Variants in MORN4 observed in about 807,000 individuals in gnomAD.
MORN4 encodes the protein MORN repeat-containing protein 4.
In MORN4, 8 loss-of-function variants were observed where a neutral mutation model predicts 16.4. The observed-to-expected ratio is 0.49, with a 90% confidence interval of 0.29 to 0.88. The LOEUF (loss-of-function observed/expected upper bound fraction) is 0.88. Among genes scored for constraint, MORN4 ranks in the 40% least tolerant of loss-of-function variants. MORN4 has a pLI of 0.09. For missense variants in MORN4, 159 were observed against 182.9 expected, an observed-to-expected ratio of 0.87 and a Z score of 0.75; for synonymous variants, 53 against 68.9, an observed-to-expected ratio of 0.77 and a Z score of 1.14.
At chr10:97,632,551 C>T (rs992584452) in intron 1 of MORN4, among the ~76,000 whole-genome samples, 19 of 151,698 alleles carry the variant, frequency 1.3e-4, no homozygotes, top group African/African-American at 3.9e-4. Flanking sequence ...AAAAGGAGCT[C>T]GAAATAACTG....
intron 1 of MORN4, among the ~76,000 whole-genome samples, chr10:97,630,665 A>G (rs1436975463): frequency 6.6e-6 from 1 of 152,220 alleles, no homozygotes; most frequent in Non-Finnish European, 1.5e-5. Context: ...AGAAACTGTC[A>G]CATGTGCCCA....
intron 1 of MORN4, among the ~76,000 whole-genome samples, chr10:97,631,216 G>T (rs2041392799): frequency 6.6e-6 from 1 of 152,120 alleles, no homozygotes; most frequent in Non-Finnish European, 1.5e-5. Flanking sequence ...TTTTTAAAGA[G>T]AATATATGGC....
At chr10:97,618,790 T>G (rs2041262105) in intron 2 of MORN4, among the ~76,000 whole-genome samples, 3 of 151,234 alleles carry the variant, frequency 2.0e-5, no homozygotes, top group African/African-American at 4.8e-5. Context: ...ACTGGTTGTT[T>G]TTTTTTTTTT....
At position 97,617,128 on chromosome 10, in the gene MORN4, A is replaced by G. The variant is rs529430168; in HGVS notation, c.182+80T>C. Reference sequence around the variant, plus strand: ...AGGGAGTGAGACAAGGTCAGGATTGACCAGATATTTACCAGAGTCCCATTT... The same window carrying G: ...AGGGAGTGAGACAAGGTCAGGATTGGCCAGATATTTACCAGAGTCCCATTT... On this transcript the variant is annotated intron_variant, in intron 3 of 4. Coordinates refer to ENST00000307450, the MANE Select transcript of MORN4 (RefSeq NM_178832.4). 9.4e-6 allele frequency: 10 copies of G among 1,069,302 alleles called. No individual in the cohort carries two copies. In the African/African-American group the frequency reaches 1.1e-4, roughly 12 times the overall value. The allele number at this position is 1,069,302 out of a possible 1,614,324, so 66.2% of individuals were successfully genotyped here. A position where few individuals can be genotyped will look rare whatever the true frequency, so the allele number is the denominator to read the frequency against.
chr10:97,633,132 C>T lies in MORN4; in HGVS notation c.-31+215G>A, dbSNP rs2041411753. On this transcript the variant is annotated intron_variant, in intron 1 of 4. Transcript: ENST00000307450. The surrounding 1 kb of genome is among the most constrained non-coding windows in gnomAD (Gnocchi z 4.5). ...GATGCAACCCTCCACCCTCTGCTCGCTAACCCCAGTCCAGTCAGCTCTCCC... is the reference window on the plus strand; with the variant it reads ...GATGCAACCCTCCACCCTCTGCTCGTTAACCCCAGTCCAGTCAGCTCTCCC... 6.6e-6 allele frequency among the ~76,000 whole-genome samples: 1 copy of T among 152,196 alleles called. No individual in the cohort carries two copies. The highest frequency in any genetic ancestry group is 2.4e-5 in the African/African-American group (1 of 41,456).
chr10:97,620,514 AAAAAG>A (rs78162861), intron 1 of MORN4, among the ~76,000 whole-genome samples: 4 of 150,418 alleles, frequency 2.7e-5, no homozygotes, highest in African/African-American at 9.9e-5. Context: ...AAAAGAAAAA[AAAAAG>A]AAAATATGGG....
chr10:97,627,396 G>A (rs891871626), intron 1 of MORN4, among the ~76,000 whole-genome samples: 4 of 152,054 alleles, frequency 2.6e-5, no homozygotes, highest in Non-Finnish European at 4.4e-5. Flanking sequence ...TGCCCACCTC[G>A]GCCTCCCAAA....
At chr10:97,618,033 G>A (rs1261896044) in intron 2 of MORN4, among the ~76,000 whole-genome samples, 3 of 151,508 alleles carry the variant, frequency 2.0e-5, no homozygotes, top group Non-Finnish European at 4.4e-5. Context: ...AAAATTAGCC[G>A]GGCATGGTGG....
chr10:97,625,662 C>T (rs934356252), intron 1 of MORN4, among the ~76,000 whole-genome samples: 2 of 152,194 alleles, frequency 1.3e-5, no homozygotes, highest in African/African-American at 2.4e-5. Flanking sequence ...GCAATTTTGA[C>T]TAAAGAGCTG....
intron 1 of MORN4, among the ~76,000 whole-genome samples, chr10:97,625,992 C>T (rs531069285): frequency 1.3e-5 from 2 of 152,222 alleles, no homozygotes; most frequent in South Asian, 4.1e-4. Context: ...AACTCCTAGC[C>T]TCAAGCAATC....
At chr10:97,631,287 C>G (rs1000926560) in intron 1 of MORN4, among the ~76,000 whole-genome samples, 2 of 152,184 alleles carry the variant, frequency 1.3e-5, no homozygotes, top group African/African-American at 4.8e-5. Context: ...ATGATTCACA[C>G]TTCTAAACAG....
Position 97,616,771 on chromosome 10 carries a change from C to A in MORN4, c.199G>T (p.Ala67Ser). The change falls in exon 4 of 5, where the codon GCC (alanine) becomes TCC (serine). Residue 67 changes from alanine to serine, a missense_variant. Ala to Ser is a moderately conservative substitution (Grantham distance 99). Transcript: ENST00000307450. ...SDGSRYEGEF[A>S]QGKFNGVGVF... ...CCGACGCCATTAAACTTGCCCTGGGCAAACTCCCCCTCATACCTGCAGAAA... is the reference window on the plus strand; with the variant it reads ...CCGACGCCATTAAACTTGCCCTGGGAAAACTCCCCCTCATACCTGCAGAAA... The A allele has an allele frequency of 1.2e-6, 2 of 1,613,642 alleles. No individual in the cohort carries two copies. The highest frequency in any genetic ancestry group is 1.3e-5 in the African/African-American group (1 of 75,054).
In MORN4 at chr10:97,615,423, T is replaced by C. The variant is rs1564763956; in HGVS notation, c.*840A>G. The C allele has an allele frequency of 1.3e-5, 2 of 152,158 alleles. No individual in the cohort carries two copies. Among genetic ancestry groups the C allele is most frequent in the Non-Finnish European group, 2.9e-5 (2 of 68,040 alleles). 9.4% of individuals were successfully genotyped at this position (152,158 alleles called of 1,614,324 possible). A position where few individuals can be genotyped will look rare whatever the true frequency, so the allele number is the denominator to read the frequency against. On this transcript the variant is annotated 3_prime_UTR_variant, in exon 5 of 5. Coordinates refer to ENST00000307450, the MANE Select transcript of MORN4 (RefSeq NM_178832.4). ...ATAGCAAGACCCTGGCTCAATTTTT[T>C]ATAATAATAAAATTAAAGGCTGAGC...
chr10:97,632,302 G>A (rs1047316740), intron 1 of MORN4, among the ~76,000 whole-genome samples: 9 of 126,128 alleles, frequency 7.1e-5, no homozygotes, highest in African/African-American at 2.2e-4. Flanking sequence ...CACTGCAACC[G>A]CCGCCTCCCA....
chr10:97,620,498 AAAAAAAAAAG>A (rs1393618417), intron 1 of MORN4, among the ~76,000 whole-genome samples: 127 of 148,152 alleles, frequency 8.6e-4, no homozygotes, highest in African/African-American at 2.9e-3. Flanking sequence ...CAAAAAAAAA[AAAAAAAAAAG>A]AAAAAAAAAA....
upstream of MORN4, chr10:97,633,579 C>T (rs758325978): frequency 6.2e-6 from 8 of 1,289,722 alleles, no homozygotes; most frequent in East Asian, 5.5e-5. This position sits in a 1 kb window ranked among gnomAD's most constrained non-coding sequence, Gnocchi z 4.5. Context: ...CAGCCCGGCT[C>T]CACGCCATCT....
chr10:97,618,495 C>T (rs2041259175), intron 2 of MORN4, among the ~76,000 whole-genome samples: 1 of 152,104 alleles, frequency 6.6e-6, no homozygotes, highest in South Asian at 2.1e-4. Context: ...GTGACCTTGG[C>T]TCCTCCAATC....
intron 1 of MORN4, among the ~76,000 whole-genome samples, chr10:97,632,649 A>G (rs969418453): frequency 6.6e-6 from 1 of 151,990 alleles, no homozygotes; most frequent in African/African-American, 2.4e-5. Flanking sequence ...TTTAGGGAAG[A>G]CTGTGGGATG....
rs1353525237 is a variant in MORN4 at position 97,629,251 on chromosome 10, G to A, written c.-31+4096C>T. ...AAAAATACAAAATTAGCTGGGTGTG[G>A]TGGCCCATGCCTGTAATCCCAGCTA... On this transcript the variant is annotated intron_variant, in intron 1 of 4. Coordinates refer to ENST00000307450, the MANE Select transcript of MORN4 (RefSeq NM_178832.4). Among the ~76,000 whole-genome samples, 3 of 152,178 alleles carry A rather than the reference G, an allele frequency of 2.0e-5. No homozygotes were observed. The South Asian group carries it at 6.2e-4, about 32-fold the overall frequency.
Sources: gnomAD v4.1 joint callset for allele counts (sites outside exome capture counted in the v4.1 genomes callset) on GRCh38, gnomAD v4.1.1 for gene constraint, Gnocchi (gnomAD v3.1) non-coding constraint, MANE v1.5 for transcripts, NCBI Gene and HGNC (gene_info 2026-07-23, HGNC 2026-07-21) for gene names.